Variants in DHDDS observed in about 807,000 individuals in gnomAD.
DHDDS encodes the protein dehydrodolichyl diphosphate synthase subunit.
DHDDS carries 16 observed loss-of-function variants against 46.2 expected under a neutral mutation model. The ratio of observed to expected loss-of-function variants is 0.35; its 90% CI spans 0.23 to 0.53. DHDDS has a LOEUF of 0.53. Ranked by LOEUF, DHDDS falls within the 20% of genes least tolerant of loss-of-function variation. The pLI is 0.94. For synonymous variants in DHDDS, 151 were observed against 163.1 expected, an observed-to-expected ratio of 0.93 and a Z score of 0.56; for missense variants, 340 against 423.7, an observed-to-expected ratio of 0.80 and a Z score of 1.73.
chr1:26,439,544 C>T (rs933987180), intron 3 of DHDDS, among the ~76,000 whole-genome samples: 6 of 151,808 alleles, frequency 4.0e-5, no homozygotes, highest in African/African-American at 7.3e-5. Context: ...TTCACGTCAC[C>T]GCAATCCAAC....
intron 3 of DHDDS, among the ~76,000 whole-genome samples, chr1:26,440,030 C>A (rs574977407): frequency 1.3e-5 from 2 of 150,714 alleles, no homozygotes; most frequent in Non-Finnish European, 2.9e-5. Context: ...GTCCCAGCTA[C>A]TCGGGAGGCT....
chr1:26,464,306 T>G (rs2075459591), intron 8 of DHDDS, among the ~76,000 whole-genome samples: 1 of 152,066 alleles, frequency 6.6e-6, no homozygotes, highest in Non-Finnish European at 1.5e-5. Context: ...ATTTGCAAAC[T>G]TTTATTGAGT....
chr1:26,439,586 A>T (rs2075197455), intron 3 of DHDDS, among the ~76,000 whole-genome samples: 1 of 152,142 alleles, frequency 6.6e-6, no homozygotes, highest in South Asian at 2.1e-4. Context: ...GTCTAAAAAA[A>T]AAAAGTACTC....
chr1:26,447,528 T>C (rs776132110), intron 5 of DHDDS, 31 bp from the exon 6 acceptor site: 1 of 1,566,114 alleles, frequency 6.4e-7, no homozygotes, highest in Non-Finnish European at 8.8e-7. Context: ...CTGTCCCCCT[T>C]TGGTAAATTA....
Position 26,469,324 on chromosome 1 carries a change from T to C in DHDDS, c.*193T>C, listed in dbSNP as rs2075528710. 4 of 1,051,942 alleles carry C rather than the reference T, an allele frequency of 3.8e-6. No homozygotes were observed. Among genetic ancestry groups the C allele is most frequent in the South Asian group, 2.9e-5 (2 of 68,172 alleles). The allele number at this position is 1,051,942 out of a possible 1,614,324, so 65.2% of individuals were successfully genotyped here. On this transcript the variant is annotated 3_prime_UTR_variant, in exon 9 of 9. Transcript: ENST00000236342. ...GCCTGGGACAGGCTCCTGAGGAGGA[T>C]TGAGGGTGAAAGTCTCCCACGAGTA...
At chr1:26,460,231 C>G in intron 8 of DHDDS, 87 bp downstream of exon 8, 1 of 1,037,038 alleles carries the variant, frequency 9.6e-7, no homozygotes, top group Non-Finnish European at 1.5e-6. Context: ...ATATACCAGG[C>G]ACTTCCTAAT....
intron 8 of DHDDS, among the ~76,000 whole-genome samples, chr1:26,460,774 CT>C (rs2075414792): frequency 1.3e-5 from 2 of 152,214 alleles, no homozygotes; most frequent in African/African-American, 4.8e-5. Context: ...CTTATTTAAC[CT>C]AACAACCCAG....
At position 26,460,060 on chromosome 1, in the gene DHDDS, C is replaced by G. The variant is rs773292741; in HGVS notation, c.681C>G (p.Phe227Leu). ...AGACCTCTCACTCCTGCCTGGTGTTCCAACCCGTTCTGTGGCCAGAGTATA... is the reference window on the plus strand; with the variant it reads ...AGACCTCTCACTCCTGCCTGGTGTTGCAACCCGTTCTGTGGCCAGAGTATA... The part of the protein sequence containing the change: ...LWQTSHSCLV[F>L]QPVLWPEYTF... Residue 227 changes from phenylalanine to leucine, a missense_variant, in exon 8 of 9, where the codon TTC (phenylalanine) becomes TTG (leucine). Physicochemically the swap from Phe to Leu is conservative, Grantham distance 22 (BLOSUM62 0). This residue lies in a region of DHDDS where 268 missense variants were observed against 300.3 expected (regional missense o/e 0.89). Transcript: ENST00000236342. 1.2e-6 allele frequency: 2 copies of G among 1,614,180 alleles called. No homozygotes were observed. The highest frequency in any genetic ancestry group is 1.7e-6 in the Non-Finnish European group (2 of 1,180,046).
At chr1:26,443,074 T>A in intron 4 of DHDDS, 1 of 893,828 alleles carries the variant, frequency 1.1e-6, no homozygotes, top group Non-Finnish European at 1.6e-6. Flanking sequence ...AAAGGGGGCA[T>A]TTATTTGAGG....
At chr1:26,451,297 G>A (rs1228833730) in intron 6 of DHDDS, among the ~76,000 whole-genome samples, 2 of 152,118 alleles carry the variant, frequency 1.3e-5, no homozygotes, top group Non-Finnish European at 2.9e-5. Context: ...CAAAGTCAGT[G>A]CGTTAATTAC....
intron 6 of DHDDS, chr1:26,454,838 A>C (rs2075355883): frequency 6.3e-7 from 1 of 1,583,878 alleles, no homozygotes; most frequent in South Asian, 1.1e-5. Context: ...GTTCACTTGG[A>C]TATGCTCAAT....
chr1:26,437,775 C>G (rs559461588), intron 2 of DHDDS, among the ~76,000 whole-genome samples: 1 of 149,406 alleles, frequency 6.7e-6, no homozygotes, highest in Admixed American at 6.7e-5. Context: ...CATGCCCGGC[C>G]GACCCCATCT....
chr1:26,458,686 C>T (rs148813583), intron 7 of DHDDS, among the ~76,000 whole-genome samples: 3,330 of 141,476 alleles, frequency 0.024, 118 homozygotes, highest in African/African-American at 0.082. Flanking sequence ...TGCAGTGAGG[C>T]GAGATCGTGC....
chr1:26,455,225 A>G, intron 6 of DHDDS: 1 of 683,238 alleles, frequency 1.5e-6, no homozygotes, highest in Non-Finnish European at 2.7e-6. Context: ...GGAAAGAGCA[A>G]ATGGGCCCAT....
chr1:26,459,303 G>A (rs1482303294), intron 7 of DHDDS, among the ~76,000 whole-genome samples: 2 of 135,562 alleles, frequency 1.5e-5, no homozygotes, highest in Non-Finnish European at 3.2e-5. Context: ...ACAGGCTATC[G>A]GACAACTAGT....
intron 8 of DHDDS, among the ~76,000 whole-genome samples, chr1:26,464,042 G>A (rs2075454963): frequency 7.0e-6 from 1 of 143,592 alleles, no homozygotes; most frequent in Non-Finnish European, 1.5e-5. Flanking sequence ...TCTGTCGCTG[G>A]AGAACAGTGG....
intron 3 of DHDDS, among the ~76,000 whole-genome samples, chr1:26,442,109 G>A (rs940671412): frequency 9.2e-5 from 14 of 152,116 alleles, no homozygotes; most frequent in African/African-American, 3.4e-4. Flanking sequence ...CTTCAACTCT[G>A]AGCCTGTTTT....
At chr1:26,439,047 C>A (rs1027296212) in intron 3 of DHDDS, among the ~76,000 whole-genome samples, 1 of 152,184 alleles carries the variant, frequency 6.6e-6, no homozygotes, top group Non-Finnish European at 1.5e-5. Context: ...TTTTCTGCCT[C>A]AGCCTCCTGA....
At chr1:26,467,973 AT>A (rs2075509362) in intron 8 of DHDDS, among the ~76,000 whole-genome samples, 1 of 152,182 alleles carries the variant, frequency 6.6e-6, no homozygotes, top group Admixed American at 6.5e-5. Flanking sequence ...AGTGTTTCAC[AT>A]GTACAGGGCA....
Sources: allele counts gnomAD v4.1 joint callset (sites outside exome capture counted in the v4.1 genomes callset), GRCh38; gene constraint gnomAD v4.1.1; regional missense constraint gnomAD v4.1.1; transcripts MANE v1.5; gene names NCBI Gene and HGNC (gene_info 2026-07-23, HGNC 2026-07-21).